Variants in GREB1 observed in about 807,000 individuals in gnomAD.
The protein encoded by GREB1 is protein GREB1.
In GREB1, 106 loss-of-function variants were observed where a neutral mutation model predicts 200.7. The observed-to-expected ratio is 0.53, with a 90% confidence interval of 0.45 to 0.62. The LOEUF is 0.62. GREB1 is among the 20% of genes least tolerant of loss of function. The pLI is 0.00. For synonymous variants in GREB1, 1,132 were observed against 1,092.4 expected, an observed-to-expected ratio of 1.04 and a Z score of -0.72; for missense variants, 2,243 against 2,556.8, an observed-to-expected ratio of 0.88 and a Z score of 2.65.
intron 1 of GREB1, among the ~76,000 whole-genome samples, chr2:11,552,879 G>A (rs560383554): frequency 1.5e-4 from 22 of 151,610 alleles, no homozygotes; most frequent in African/African-American, 3.1e-4. Flanking sequence ...GCATGGTGGC[G>A]CACGCCTGTA....
intron 16 of GREB1, 62 bp from the exon 17 acceptor site, chr2:11,602,344 C>T (rs987580556): frequency 4.1e-5 from 63 of 1,529,554 alleles, no homozygotes; most frequent in African/African-American, 2.3e-4. Context: ...GCCTGGCACA[C>T]GAACCTCTGA....
intron 1 of GREB1, among the ~76,000 whole-genome samples, chr2:11,539,027 T>TCTTCTCTTCTCTTCTCTTCTCTTCC (rs1674526510): frequency 3.0e-5 from 1 of 33,798 alleles, no homozygotes; most frequent in African/African-American, 4.8e-5. Flanking sequence ...CCTTCTCTTC[T>TCTTCTCTTCTCTTCTCTTCTCTTCC]CTTCTCTTCT....
rs370618184 is a variant in GREB1, at chr2:11,637,929, G to A, written c.5547+13G>A. 22 of 1,607,398 alleles carry A rather than the reference G, an allele frequency of 1.4e-5. No individual in the cohort carries two copies. The highest frequency in any genetic ancestry group is 1.7e-5 in the Non-Finnish European group (20 of 1,174,508). ...CCTGGGATCTCAGGTGACTTTCAGA[G>A]GGGGTGCTGTCGAATCCCTAATTCA... On this transcript the variant is annotated intron_variant, in intron 31 of 32. Coordinates refer to ENST00000381486, the MANE Select transcript of GREB1 (RefSeq NM_014668.4).
Position 11,566,531 on chromosome 2 carries a change from C to T in GREB1, c.329C>T (p.Pro110Leu). Reference protein sequence around the residue: ...DLRLVSISNEPMDVPAGFLLV... With the variant: ...DLRLVSISNELMDVPAGFLLV... ...CGCCTTGTCTCCATTTCCAACGAGCCCATGGATGTCCCTGCGGGCTTTCTC... is the reference window on the plus strand; with the variant it reads ...CGCCTTGTCTCCATTTCCAACGAGCTCATGGATGTCCCTGCGGGCTTTCTC... The change falls in exon 4 of 33, where the codon CCC becomes CTC. Residue 110 changes from proline to leucine, a missense_variant. Transcript: ENST00000381486. The T allele has an allele frequency of 6.2e-7, 1 of 1,614,032 alleles. No individual in the cohort carries two copies. The highest frequency in any genetic ancestry group is 8.5e-7 in the Non-Finnish European group (1 of 1,179,966).
chr2:11,552,715 A>G (rs1675982268), intron 1 of GREB1, among the ~76,000 whole-genome samples: 1 of 152,204 alleles, frequency 6.6e-6, no homozygotes, highest in South Asian at 2.1e-4. Context: ...TGGAATAACA[A>G]AAAGAGCCGC....
chr2:11,576,831 T>G (rs2148038876), intron 5 of GREB1, among the ~76,000 whole-genome samples: 1 of 149,414 alleles, frequency 6.7e-6, no homozygotes, highest in African/African-American at 2.5e-5. Flanking sequence ...AGGTCAGGAG[T>G]TCAAGACCAG....
At chr2:11,562,846 C>T (rs1677215437) in intron 3 of GREB1, 3 of 312,968 alleles carry the variant, frequency 9.6e-6, no homozygotes, top group Non-Finnish European at 1.2e-5. Context: ...TCAACTTTAC[C>T]AGTGGCTTGG....
rs567609527 is a variant in GREB1, at chr2:11,520,693, G to A, written c.-158-35764G>A. Among the ~76,000 whole-genome samples the A allele has an allele frequency of 4.6e-5, 7 of 152,098 alleles. No homozygotes were observed. The South Asian group carries it at 6.2e-4, about 14-fold the overall frequency. On this transcript the variant is annotated intron_variant, in intron 1 of 2. Transcript: ENST00000628795. ...AGTATCTTTCTTTTTAAAGACTCACGTGATTAGATTGTGCTCCCCAGGTAG... is the reference window on the plus strand; with the variant it reads ...AGTATCTTTCTTTTTAAAGACTCACATGATTAGATTGTGCTCCCCAGGTAG...
upstream of GREB1, among the ~76,000 whole-genome samples, chr2:11,531,009 AC>A (rs34831944): frequency 6.6e-6 from 1 of 151,398 alleles, no homozygotes; most frequent in Non-Finnish European, 1.5e-5. Flanking sequence ...AACTCCATTA[AC>A]CCCCCCAAAA....
chr2:11,494,502 G>A (rs559006553), intron 1 of GREB1, among the ~76,000 whole-genome samples: 46 of 152,352 alleles, frequency 3.0e-4, no homozygotes, highest in African/African-American at 9.6e-4. Context: ...AGTTGTTCTC[G>A]TAAGAGACTG....
intron 11 of GREB1, among the ~76,000 whole-genome samples, chr2:11,594,932 G>GA (rs1681070584): frequency 6.6e-6 from 1 of 151,364 alleles, no homozygotes; most frequent in Admixed American, 6.6e-5. Flanking sequence ...CTGACCTTGT[G>GA]ATCTGCCTGC....
intron 1 of GREB1, among the ~76,000 whole-genome samples, chr2:11,488,529 G>T (rs543187521): frequency 6.6e-4 from 100 of 152,194 alleles, no homozygotes; most frequent in Non-Finnish European, 1.1e-3. Context: ...AGTGGCTCAT[G>T]CCTGTAATCC....
chr2:11,508,286 A>G (rs1266680110), intron 1 of GREB1, among the ~76,000 whole-genome samples: 1 of 152,204 alleles, frequency 6.6e-6, no homozygotes, highest in Non-Finnish European at 1.5e-5. Context: ...TCCTCCAGGA[A>G]AACCCTCCAC....
At chr2:11,586,447 C>T (rs1558588908) in intron 9 of GREB1, among the ~76,000 whole-genome samples, 2 of 152,190 alleles carry the variant, frequency 1.3e-5, no homozygotes, top group Admixed American at 6.5e-5. Flanking sequence ...ACGTACGCTA[C>T]GTGGGGGTAG....
intron 1 of GREB1, among the ~76,000 whole-genome samples, chr2:11,542,433 G>A (rs1439096154): frequency 1.3e-5 from 2 of 152,126 alleles, no homozygotes; most frequent in African/African-American, 4.8e-5. Flanking sequence ...CCATTCCCTT[G>A]CAGATCCACT....
At chr2:11,619,492 T>C (rs1197312474) in intron 22 of GREB1, among the ~76,000 whole-genome samples, 4 of 152,218 alleles carry the variant, frequency 2.6e-5, no homozygotes, top group African/African-American at 9.6e-5. Flanking sequence ...TTCTTAAACT[T>C]GTAGAATGAA....
intron 3 of GREB1, among the ~76,000 whole-genome samples, chr2:11,564,856 G>A (rs1455329125): frequency 1.3e-5 from 2 of 152,212 alleles, no homozygotes; most frequent in Non-Finnish European, 2.9e-5. Flanking sequence ...GGCTGGGGAG[G>A]CCTGACAATC....
chr2:11,556,537 C>T lies in GREB1; in HGVS notation c.-78C>T. 1.6e-6 allele frequency: 2 copies of T among 1,245,220 alleles called. No homozygotes were observed. The highest frequency in any genetic ancestry group is 1.5e-5 in the South Asian group (1 of 65,700). The allele number at this position is 1,245,220 out of a possible 1,614,324, so 77.1% of individuals were successfully genotyped here. A position where few individuals can be genotyped will look rare whatever the true frequency, so the allele number is the denominator to read the frequency against. On this transcript the variant is annotated 5_prime_UTR_variant, in exon 2 of 33. Transcript: ENST00000381486. The stretch of plus-strand genomic sequence containing the variant: ...CCCTTCCTCCTTGCAGCTGTTTCAC[C>T]TTCTACCTTGCGTGGAGCCAGGCTT...
chr2:11,636,937 G>T (rs1227005414), intron 30 of GREB1, among the ~76,000 whole-genome samples: 1 of 141,164 alleles, frequency 7.1e-6, no homozygotes, highest in African/African-American at 2.6e-5. Flanking sequence ...CAGAGGCAGG[G>T]TCATGGGCAG....
Sources: allele counts gnomAD v4.1 joint callset (sites outside exome capture counted in the v4.1 genomes callset), GRCh38; gene constraint gnomAD v4.1.1; transcripts MANE v1.5; gene names NCBI Gene and HGNC (gene_info 2026-07-23, HGNC 2026-07-21).